Variants in OLFML1 observed in about 807,000 individuals in gnomAD.
OLFML1 encodes olfactomedin-like protein 1.
A neutral mutation model predicts 37.3 loss-of-function variants in OLFML1; 33 were observed. The observed-to-expected ratio is 0.88, with a 90% CI of 0.67 to 1.18. The LOEUF (loss-of-function observed/expected upper bound fraction) is 1.18, where lower values mean the gene tolerates loss of function less well. Ranked by LOEUF, OLFML1 falls within the 50% of genes most tolerant of loss-of-function variation. The pLI, the probability that OLFML1 is intolerant of heterozygous loss-of-function variation, is 0.00. For missense variants in OLFML1, 545 were observed against 483.7 expected, an observed-to-expected ratio of 1.13 and a Z score of -1.19; for synonymous variants, 186 against 181.3, an observed-to-expected ratio of 1.03 and a Z score of -0.21.
At chr11:7,506,180 G>A (rs183356595) in intron 2 of OLFML1, among the ~76,000 whole-genome samples, 1 of 151,964 alleles carries the variant, frequency 6.6e-6, no homozygotes, top group Admixed American at 6.5e-5. Flanking sequence ...AAGGTGAATT[G>A]TTGTTGTTGT....
intron 2 of OLFML1, among the ~76,000 whole-genome samples, chr11:7,509,044 C>T (rs142557298): frequency 4.5e-4 from 68 of 152,252 alleles, no homozygotes; most frequent in African/African-American, 1.5e-3. Context: ...TTCTTTCATT[C>T]GTTGAGTCAT....
intron 2 of OLFML1, among the ~76,000 whole-genome samples, chr11:7,500,631 G>A (rs977188049): frequency 6.6e-6 from 1 of 151,650 alleles, no homozygotes; most frequent in Non-Finnish European, 1.5e-5. Flanking sequence ...CTTATTATGA[G>A]TTCTACATTT....
chr11:7,491,390 G>T (rs1378839936), intron 2 of OLFML1, among the ~76,000 whole-genome samples: 1 of 152,192 alleles, frequency 6.6e-6, no homozygotes, highest in African/African-American at 2.4e-5. Context: ...ACAGAGCCTA[G>T]GTCATGTCCT....
intron 2 of OLFML1, among the ~76,000 whole-genome samples, chr11:7,506,962 T>C (rs1848793044): frequency 6.6e-6 from 1 of 152,122 alleles, no homozygotes; most frequent in East Asian, 1.9e-4. Context: ...TTGTGGGGAA[T>C]GGGAGATTCA....
intron 2 of OLFML1, among the ~76,000 whole-genome samples, 158 bp from the exon 3 acceptor site, chr11:7,509,240 C>G (rs1387017023): frequency 6.6e-6 from 1 of 152,190 alleles, no homozygotes; most frequent in Non-Finnish European, 1.5e-5. Flanking sequence ...AAGGGAAACC[C>G]TTCTTCTAAG....
chr11:7,489,133 A>G (rs1414093331), intron 2 of OLFML1, among the ~76,000 whole-genome samples: 1 of 152,238 alleles, frequency 6.6e-6, no homozygotes, highest in East Asian at 1.9e-4. Context: ...CTTTATTTAC[A>G]TGCTAATTAC....
rs1177122767 is a variant in OLFML1 at position 7,510,260 on chromosome 11, T to C, written c.*72T>C. On this transcript the variant is annotated 3_prime_UTR_variant, in exon 3 of 3. Coordinates refer to ENST00000329293, the MANE Select transcript of OLFML1 (RefSeq NM_198474.4). Reference sequence around the variant, plus strand: ...TACAGGACAGTGAGGCTATAGCCCCTTCACAATATAGTATCCCTCTAATCA... The same window carrying C: ...TACAGGACAGTGAGGCTATAGCCCCCTCACAATATAGTATCCCTCTAATCA... The C allele has an allele frequency of 1.6e-5, 19 of 1,196,546 alleles. No homozygotes were observed. Among genetic ancestry groups the C allele is most frequent in the Non-Finnish European group, 2.2e-5 (19 of 860,266 alleles). The allele number at this position is 1,196,546 out of a possible 1,614,324, so 74.1% of individuals were successfully genotyped here. A position where few individuals can be genotyped will look rare whatever the true frequency, so the allele number is the denominator to read the frequency against.
rs981186197 is a variant in OLFML1, at chr11:7,488,446, C to G, written c.418+31C>G. The stretch of plus-strand genomic sequence containing the variant: ...AAAACTGCATCTTTTCCTAGCCCTT[C>G]TAGGGACTATTATGCTCAGAAACAC... On this transcript the variant is annotated intron_variant, in intron 2 of 2. Coordinates refer to ENST00000329293, the MANE Select transcript of OLFML1 (RefSeq NM_198474.4). 4 of 1,561,120 alleles carry G rather than the reference C, an allele frequency of 2.6e-6. No homozygotes were observed. The African/African-American group carries it at 4.1e-5, about 16-fold the overall frequency.
intron 2 of OLFML1, among the ~76,000 whole-genome samples, chr11:7,507,469 T>C (rs916711418): frequency 5.3e-5 from 8 of 152,270 alleles, no homozygotes; most frequent in Non-Finnish European, 1.0e-4. Flanking sequence ...GGCATAGAGA[T>C]GGCTTCAATC....
intron 2 of OLFML1, among the ~76,000 whole-genome samples, chr11:7,506,316 A>C (rs1485190036): frequency 6.6e-6 from 1 of 152,240 alleles, no homozygotes; most frequent in Non-Finnish European, 1.5e-5. Flanking sequence ...ATCACAGTAC[A>C]AGTGAATATA....
Position 7,488,243 on chromosome 11 carries a change from G to A in OLFML1, c.246G>A (p.Lys82=), listed in dbSNP as rs1240532207. 2 of 1,613,936 alleles carry A rather than the reference G, an allele frequency of 1.2e-6. No individual in the cohort carries two copies. Among genetic ancestry groups the A allele is most frequent in the Non-Finnish European group, 1.7e-6 (2 of 1,179,996 alleles). Residue 82 remains lysine, a synonymous_variant, in exon 2 of 3, where the codon AAG becomes AAA. Coordinates refer to ENST00000329293, the MANE Select transcript of OLFML1 (RefSeq NM_198474.4). The part of the protein sequence containing the change: ...GRCQTYTSEY[K]SAVGNLALRV... ...GTCAGACCTACACAAGTGAGTACAAGAGTGCAGTGGGTAACTTGGCACTGA... is the reference window on the plus strand; with the variant it reads ...GTCAGACCTACACAAGTGAGTACAAAAGTGCAGTGGGTAACTTGGCACTGA...
Position 7,509,524 on chromosome 11 carries a change from G to C in OLFML1, c.545G>C (p.Arg182Thr), listed in dbSNP as rs1286983761. 6.2e-7 allele frequency: 1 copy of C among 1,614,206 alleles called. No individual in the cohort carries two copies. Among genetic ancestry groups the C allele is most frequent in the East Asian group, 2.2e-5 (1 of 44,890 alleles). ...SPKVYLLIGS[R>T]NNTVWEFANI... Reference sequence around the variant, plus strand: ...AAGGTGTACTTATTAATTGGATCCAGAAACAACACTGTTTGGGAATTTGCA... The same window carrying C: ...AAGGTGTACTTATTAATTGGATCCACAAACAACACTGTTTGGGAATTTGCA... Residue 182 changes from arginine to threonine, a missense_variant, in exon 3 of 3, where the codon AGA (arginine) becomes ACA (threonine). Physicochemically the swap from Arg to Thr is moderately conservative, Grantham distance 71 (BLOSUM62 -1). Coordinates refer to ENST00000329293, the MANE Select transcript of OLFML1 (RefSeq NM_198474.4).
chr11:7,503,789 A>C (rs1489167253), intron 2 of OLFML1, among the ~76,000 whole-genome samples: 1 of 152,204 alleles, frequency 6.6e-6, no homozygotes, highest in African/African-American at 2.4e-5. Flanking sequence ...GGTCCACTGC[A>C]AAAGTAAAGG....
rs1399147628 is a variant in OLFML1, at chr11:7,510,141, C to T, written c.1162C>T (p.Gln388Ter). ...GCTCTATGCCTGGAATGAAGGAAAC[C>T]AGATCATTTACAAACTCCAGACAAA... ...KQLYAWNEGN[Q>*]IIYKLQTKRK... The change falls in exon 3 of 3, where the codon CAG (glutamine) becomes TAG (stop). Residue 388 changes from glutamine (Q) to a stop codon, truncating the protein, a stop_gained. Coordinates refer to ENST00000329293, the MANE Select transcript of OLFML1 (RefSeq NM_198474.4). LOFTEE classifies it high-confidence loss of function. 1 of 1,613,064 alleles carries T rather than the reference C, an allele frequency of 6.2e-7. No homozygotes were observed. The highest frequency in any genetic ancestry group is 1.1e-5 in the South Asian group (1 of 91,052).
chr11:7,507,690 C>T (rs867256245), intron 2 of OLFML1, among the ~76,000 whole-genome samples: 18 of 151,960 alleles, frequency 1.2e-4, no homozygotes, highest in African/African-American at 3.1e-4. Context: ...CTGGGACTAC[C>T]GGCATGTGCT....
At chr11:7,507,794 G>A (rs891416219) in intron 2 of OLFML1, among the ~76,000 whole-genome samples, 4 of 152,144 alleles carry the variant, frequency 2.6e-5, no homozygotes, top group Non-Finnish European at 5.9e-5. Context: ...TGATACACCT[G>A]CCTTGGCCAC....
chr11:7,500,606 T>C (rs1277867874), intron 2 of OLFML1, among the ~76,000 whole-genome samples: 1 of 152,212 alleles, frequency 6.6e-6, no homozygotes, highest in African/African-American at 2.4e-5. Context: ...GGGATTAAAA[T>C]ATCTACCACT....
In OLFML1 at chr11:7,487,207, C is replaced by T. The variant is rs576363276; in HGVS notation, c.130-920C>T. On this transcript the variant is annotated intron_variant, in intron 1 of 2. Coordinates refer to ENST00000329293, the MANE Select transcript of OLFML1 (RefSeq NM_198474.4). ...ATGATCTGTATAGATCTTCCCACCC[C>T]AGTCCTGACCTGAGGTGAAGCCAAG... is the stretch of plus-strand genomic sequence containing the variant. Among the ~76,000 whole-genome samples the T allele has an allele frequency of 3.3e-5, 5 of 152,332 alleles. No homozygotes were observed. The South Asian group carries it at 1.0e-3, about 32-fold the overall frequency.
chr11:7,497,305 C>T (rs1210935759), intron 2 of OLFML1, among the ~76,000 whole-genome samples: 1 of 152,000 alleles, frequency 6.6e-6, no homozygotes, highest in East Asian at 1.9e-4. Flanking sequence ...AAGACAAAGC[C>T]CCTGCTTTTA....
Sources: gnomAD v4.1 joint callset for allele counts (sites outside exome capture counted in the v4.1 genomes callset) on GRCh38, gnomAD v4.1.1 for gene constraint, MANE v1.5 for transcripts, NCBI Gene and HGNC (gene_info 2026-07-23, HGNC 2026-07-21) for gene names.